Variants in FSTL5 observed in about 807,000 individuals in gnomAD.
The protein encoded by FSTL5 is follistatin-related protein 5.
A neutral mutation model predicts 89.1 loss-of-function variants in FSTL5; 62 were observed. That is an observed-to-expected ratio of 0.70 (90% CI 0.57 to 0.86). The LOEUF is 0.86. Among genes scored for constraint, FSTL5 ranks in the 40% least tolerant of loss-of-function variants. The probability of loss-of-function intolerance (pLI) is 0.00; values close to 1 mark genes in which losing one functional copy is unlikely to be tolerated. For missense variants in FSTL5, 1,057 were observed against 1,001.6 expected, an observed-to-expected ratio of 1.06 and a Z score of -0.75; for synonymous variants, 383 against 346.2, an observed-to-expected ratio of 1.11 and a Z score of -1.18.
chr4:161,638,750 T>C (rs974715185), intron 7 of FSTL5, among the ~76,000 whole-genome samples: 1 of 133,942 alleles, frequency 7.5e-6, no homozygotes, highest in Non-Finnish European at 1.6e-5. Flanking sequence ...AAATCCTCAA[T>C]AAAATACTGG....
At chr4:161,766,775 G>A (rs1044790040) in intron 5 of FSTL5, among the ~76,000 whole-genome samples, 1 of 152,078 alleles carries the variant, frequency 6.6e-6, no homozygotes, top group Non-Finnish European at 1.5e-5. Context: ...TGTAGACAAC[G>A]GCTGTATAGG....
At chr4:161,952,975 T>G (rs114789998) in intron 3 of FSTL5, among the ~76,000 whole-genome samples, 1,663 of 151,854 alleles carry the variant, frequency 0.011, 29 homozygotes, top group African/African-American at 0.037. Flanking sequence ...TATATGATCA[T>G]TTACTACTGG....
intron 10 of FSTL5, among the ~76,000 whole-genome samples, chr4:161,520,806 T>C (rs1442545727): frequency 1.3e-5 from 2 of 152,216 alleles, no homozygotes; most frequent in Non-Finnish European, 2.9e-5. Flanking sequence ...CAATCAAACT[T>C]TAAGCATGGC....
intron 6 of FSTL5, among the ~76,000 whole-genome samples, chr4:161,705,968 A>G (rs1216912772): frequency 0.068 from 5,598 of 81,958 alleles, 455 homozygotes; most frequent in South Asian, 0.3. Context: ...ATATATATAT[A>G]TATATATATA....
chr4:161,503,709 G>A (rs1730379518), intron 11 of FSTL5, among the ~76,000 whole-genome samples: 1 of 151,820 alleles, frequency 6.6e-6, no homozygotes, highest in African/African-American at 2.4e-5. Context: ...TATCACTCTG[G>A]CCAATATATA....
chr4:161,667,378 G>T (rs1051689238), intron 6 of FSTL5, among the ~76,000 whole-genome samples: 1 of 152,056 alleles, frequency 6.6e-6, no homozygotes, highest in Non-Finnish European at 1.5e-5. Context: ...AAAGAATTGG[G>T]TGGCCACTCA....
intron 1 of FSTL5, among the ~76,000 whole-genome samples, chr4:162,128,258 A>AAG (rs1447063941): frequency 3.9e-5 from 6 of 152,206 alleles, no homozygotes; most frequent in Non-Finnish European, 7.3e-5. Flanking sequence ...AGTTTTCTAA[A>AAG]ACCCAGAGTC....
intron 15 of FSTL5, chr4:161,388,121 C>T (rs1411230261): frequency 6.6e-6 from 1 of 151,900 alleles, no homozygotes; most frequent in African/African-American, 2.4e-5. Flanking sequence ...TTTCTTGTTC[C>T]ATGTATTTGA....
intron 11 of FSTL5, among the ~76,000 whole-genome samples, chr4:161,507,700 T>C (rs1730527337): frequency 6.6e-6 from 1 of 151,938 alleles, no homozygotes; most frequent in Non-Finnish European, 1.5e-5. Context: ...GTTCCAAGTT[T>C]ATATATTGAT....
chr4:161,681,289 GAA>G (rs551803162), intron 6 of FSTL5, among the ~76,000 whole-genome samples: 5 of 151,866 alleles, frequency 3.3e-5, no homozygotes, highest in Non-Finnish European at 5.9e-5. Flanking sequence ...GAAATCAAAA[GAA>G]AAAACTACAT....
chr4:161,807,749 T>C (rs1317396971), intron 4 of FSTL5, among the ~76,000 whole-genome samples: 1 of 152,204 alleles, frequency 6.6e-6, no homozygotes, highest in East Asian at 1.9e-4. Flanking sequence ...CTTGCAGGAA[T>C]GTATATTAAT....
intron 10 of FSTL5, among the ~76,000 whole-genome samples, chr4:161,535,612 A>G (rs1243558609): frequency 6.6e-6 from 1 of 152,116 alleles, no homozygotes; most frequent in Non-Finnish European, 1.5e-5. Context: ...TATGGAGAAA[A>G]GCGAATGCCT....
intron 6 of FSTL5, among the ~76,000 whole-genome samples, chr4:161,680,046 C>T (rs992730863): frequency 6.6e-6 from 1 of 151,728 alleles, no homozygotes; most frequent in Non-Finnish European, 1.5e-5. Context: ...TAAATCAAAA[C>T]ATAATTTCAT....
chr4:161,605,296 C>T (rs961500746), intron 7 of FSTL5, among the ~76,000 whole-genome samples: 1 of 152,082 alleles, frequency 6.6e-6, no homozygotes, highest in African/African-American at 2.4e-5. Flanking sequence ...TAGCACATAG[C>T]CTTCCACAGT....
intron 6 of FSTL5, among the ~76,000 whole-genome samples, chr4:161,715,735 C>T (rs1316275021): frequency 6.6e-6 from 1 of 152,202 alleles, no homozygotes; most frequent in Non-Finnish European, 1.5e-5. Flanking sequence ...CTTCCTTAGC[C>T]TCCTGTGATG....
chr4:161,790,400 AG>A (rs1233885824), intron 4 of FSTL5, among the ~76,000 whole-genome samples: 2 of 152,164 alleles, frequency 1.3e-5, no homozygotes, highest in Non-Finnish European at 2.9e-5. Context: ...AACCTACCCT[AG>A]GGTTTCTAGC....
chr4:162,138,520 G>GA (rs544801969), intron 1 of FSTL5, among the ~76,000 whole-genome samples: 52 of 151,910 alleles, frequency 3.4e-4, no homozygotes, highest in Non-Finnish European at 7.2e-4. Flanking sequence ...AATGTAAAAA[G>GA]AAAAAATATC....
chr4:161,969,352 CA>C (rs1361763186), intron 3 of FSTL5, among the ~76,000 whole-genome samples: 1 of 152,000 alleles, frequency 6.6e-6, no homozygotes, highest in Non-Finnish European at 1.5e-5. Flanking sequence ...ATCTGATTTT[CA>C]ACATTTTTGG....
intron 15 of FSTL5, among the ~76,000 whole-genome samples, chr4:161,424,521 C>T (rs1389453850): frequency 1.8e-5 from 2 of 110,894 alleles, no homozygotes; most frequent in African/African-American, 3.3e-5. Flanking sequence ...TCTCCTTTTC[C>T]TCCTTTAAAT....
Sources: gnomAD v4.1 joint callset for allele counts (sites outside exome capture counted in the v4.1 genomes callset) on GRCh38, gnomAD v4.1.1 for gene constraint, MANE v1.5 for transcripts, NCBI Gene and HGNC (gene_info 2026-07-23, HGNC 2026-07-21) for gene names.